The following PVT1 variants were observed in gnomAD, a reference collection of about 807,000 sequenced individuals.
PVT1 encodes CXCR4/PVT1 fusion.
chr8:127,962,679 C>T (rs1434045733), intron 3 of PVT1, among the ~76,000 whole-genome samples: 5 of 152,074 alleles, frequency 3.3e-5, no homozygotes, highest in Non-Finnish European at 1.5e-5. Flanking sequence ...TCACTGCAGC[C>T]TCTGCCTCCT....
intron 3 of PVT1, among the ~76,000 whole-genome samples, chr8:127,921,854 GTT>G (rs71300279): frequency 0.16 from 11,049 of 70,972 alleles, 325 homozygotes; most frequent in African/African-American, 0.23. Flanking sequence ...TTTGGTTCAT[GTT>G]TTTTTTTTTT....
At chr8:127,979,267 G>T (rs1025593798) in intron 3 of PVT1, among the ~76,000 whole-genome samples, 1 of 152,220 alleles carries the variant, frequency 6.6e-6, no homozygotes, top group African/African-American at 2.4e-5. Flanking sequence ...ATTCATCCAC[G>T]CATTCAAACG....
At chr8:127,914,501 G>A (rs997388049) in intron 3 of PVT1, among the ~76,000 whole-genome samples, 1 of 152,076 alleles carries the variant, frequency 6.6e-6, no homozygotes, top group African/African-American at 2.4e-5. Context: ...TCCACAAAAA[G>A]CTTTTACAGG....
chr8:127,984,845 C>CT lies in PVT1; in HGVS notation n.783-4314dup, dbSNP rs1816928068. ...CTGGTTTCTTTCTTTTCTTTTCTTT[C>CT]TTTCTTTCTTTCTTTCTTTCTTTCT... On this transcript the variant is annotated intron_variant and non_coding_transcript_variant, in intron 3 of 10. Coordinates refer to ENST00000651587, the Ensembl canonical transcript of PVT1. Among the ~76,000 whole-genome samples, 95 of 17,368 alleles carry CT rather than the reference C, an allele frequency of 5.5e-3. 2 individuals are homozygous for CT. The highest frequency in any genetic ancestry group is 0.017 in the African/African-American group (85 of 4,982). 11.4% of individuals were successfully genotyped at this position (17,368 alleles called of 152,430 possible).
intron 2 of PVT1, among the ~76,000 whole-genome samples, chr8:127,833,748 T>C (rs1370333564): frequency 6.6e-6 from 1 of 152,194 alleles, no homozygotes; most frequent in Non-Finnish European, 1.5e-5. Flanking sequence ...CTTATGGATC[T>C]TAATGTCTTG....
chr8:127,912,978 G>A (rs763177826), intron 3 of PVT1, among the ~76,000 whole-genome samples: 7 of 152,316 alleles, frequency 4.6e-5, no homozygotes, highest in African/African-American at 7.2e-5. Context: ...GATTACAGGC[G>A]TGAGCCACGC....
intron 2 of PVT1, among the ~76,000 whole-genome samples, chr8:127,890,334 CT>C (rs1043799313): frequency 1.2e-4 from 18 of 152,242 alleles, no homozygotes; most frequent in African/African-American, 4.3e-4. Flanking sequence ...CTCCTCTCCC[CT>C]CTCAGGGTGC....
At chr8:127,917,589 A>G (rs1243463755) in intron 3 of PVT1, among the ~76,000 whole-genome samples, 1 of 152,228 alleles carries the variant, frequency 6.6e-6, no homozygotes, top group Non-Finnish European at 1.5e-5. Flanking sequence ...TGCTGGAGAA[A>G]GAGAGAAGGA....
At chr8:128,002,656 C>T (rs1293212457) in intron 4 of PVT1, among the ~76,000 whole-genome samples, 2 of 152,152 alleles carry the variant, frequency 1.3e-5, no homozygotes, top group Non-Finnish European at 2.9e-5. Flanking sequence ...CCTGTGTCCT[C>T]TCCTGTGTGT....
At chr8:128,063,955 A>G (rs1813866369) in intron 4 of PVT1, among the ~76,000 whole-genome samples, 1 of 152,200 alleles carries the variant, frequency 6.6e-6, no homozygotes, top group Non-Finnish European at 1.5e-5. Flanking sequence ...TCGTGTTGTA[A>G]ATAGTAAATA....
chr8:127,868,498 G>A (rs983598898), intron 2 of PVT1, among the ~76,000 whole-genome samples: 5 of 151,690 alleles, frequency 3.3e-5, no homozygotes, highest in South Asian at 2.1e-4. Flanking sequence ...AGCAATTTTC[G>A]TGCCTCGGCT....
At chr8:127,961,452 G>T (rs1224751018) in intron 3 of PVT1, among the ~76,000 whole-genome samples, 1 of 152,210 alleles carries the variant, frequency 6.6e-6, no homozygotes, top group Non-Finnish European at 1.5e-5. Flanking sequence ...TAGATTCGGT[G>T]CTGTGTGTTG....
chr8:127,839,087 C>T (rs980350994), intron 2 of PVT1, among the ~76,000 whole-genome samples: 6 of 152,182 alleles, frequency 3.9e-5, no homozygotes, highest in Non-Finnish European at 7.3e-5. Flanking sequence ...TAGTTTTGTA[C>T]AAACTCCCTC....
At position 127,958,664 on chromosome 8, in the gene PVT1, A is replaced by G. The variant is rs150752343; in HGVS notation, n.783-30498A>G. Among the ~76,000 whole-genome samples, 24 of 152,322 alleles carry G rather than the reference A, an allele frequency of 1.6e-4. 1 individual carries two copies. The highest frequency in any genetic ancestry group is 4.6e-4 in the Admixed American group (7 of 15,292). On this transcript the variant is annotated intron_variant and non_coding_transcript_variant, in intron 3 of 10. Coordinates refer to ENST00000651587, the Ensembl canonical transcript of PVT1. ...CAGGCGCCAGAGGTAGATGAGAGCC[A>G]GGATTTGACCCAGTGATTTAGGATT...
intron 2 of PVT1, among the ~76,000 whole-genome samples, chr8:127,832,100 C>T (rs574003467): frequency 1.2e-4 from 18 of 151,396 alleles, no homozygotes; most frequent in African/African-American, 4.1e-4. Flanking sequence ...GTTTTTTTTT[C>T]AGGCTGTTTC....
intron 2 of PVT1, among the ~76,000 whole-genome samples, chr8:127,829,880 A>G (rs1814831479): frequency 6.6e-6 from 1 of 152,300 alleles, no homozygotes; most frequent in East Asian, 1.9e-4. Context: ...CATGCTCCAC[A>G]TGAAGGCTCC....
At chr8:127,837,392 G>GTT (rs1182341822) in intron 2 of PVT1, among the ~76,000 whole-genome samples, 1 of 92,556 alleles carries the variant, frequency 1.1e-5, no homozygotes, top group Non-Finnish European at 2.2e-5. Flanking sequence ...GTTTTTTGTT[G>GTT]TTGTTTTTTT....
intron 3 of PVT1, among the ~76,000 whole-genome samples, chr8:127,938,547 A>C (rs934557830): frequency 6.6e-6 from 1 of 152,232 alleles, no homozygotes; most frequent in Non-Finnish European, 1.5e-5. Context: ...GAAAGCTTCT[A>C]GCAAAACAGA....
intron 6 of PVT1, among the ~76,000 whole-genome samples, chr8:128,100,622 C>G (rs150626380): frequency 0.013 from 1,982 of 152,304 alleles, 15 homozygotes; most frequent in South Asian, 0.031. Context: ...TGGTCATCCC[C>G]TCTCTCATCC....
Sources: gnomAD v4.1 joint callset for allele counts (sites outside exome capture counted in the v4.1 genomes callset) on GRCh38, gnomAD v4.1.1 for gene constraint, MANE v1.5 for transcripts, NCBI Gene and HGNC (gene_info 2026-07-23, HGNC 2026-07-21) for gene names.